Variants in LAMA5 observed in about 807,000 individuals in gnomAD.
The protein encoded by LAMA5 is laminin subunit alpha-5.
Under a neutral mutation model 433.4 loss-of-function variants are expected in LAMA5, and 260 were observed. That is an observed-to-expected ratio of 0.60 (90% CI 0.54 to 0.66). The LOEUF (loss-of-function observed/expected upper bound fraction) is 0.66, where lower values mean the gene tolerates loss of function less well. LAMA5 is among the 30% of genes least tolerant of loss of function. LAMA5 has a pLI of 0.00. For synonymous variants in LAMA5, 2,620 were observed against 2,226.6 expected (o/e 1.18, Z -4.97); for missense variants, 5,378 against 5,258.5 (o/e 1.02, Z -0.70).
intron 53 of LAMA5, 123 bp downstream of exon 53, chr20:62,318,331 A>AGGGGGGAGGAGGG: frequency 4.0e-6 from 1 of 248,074 alleles, no homozygotes; most frequent in African/African-American, 9.9e-5. Flanking sequence ...GGGGAGGACG[A>AGGGGGGAGGAGGG]GGGAGGGGAG....
At chr20:62,325,263 G>T in intron 41 of LAMA5, 53 bp downstream of exon 41, 2 of 1,177,560 alleles carry the variant, frequency 1.7e-6, no homozygotes, top group African/African-American at 1.5e-5. Flanking sequence ...ATGCTGGAGG[G>T]AAGGGTGTGC....
In LAMA5 at chr20:62,316,727, G is replaced by A. The variant is rs148555754; in HGVS notation, c.7700C>T (p.Ala2567Val). 4.7e-5 allele frequency: 76 copies of A among 1,609,280 alleles called. No homozygotes were observed. The highest frequency in any genetic ancestry group is 6.1e-5 in the Non-Finnish European group (72 of 1,178,136). Residue 2567 changes from alanine to valine, a missense_variant, in exon 57 of 80, where the codon GCC (alanine) becomes GTC (valine). Coordinates refer to ENST00000252999, the MANE Select transcript of LAMA5 (RefSeq NM_005560.6). ...GLVDRAQQLL[A>V]NSTALEEAML... ...GGCCTCTTCTAGTGCAGTGCTGTTGGCCAGGAGCTGCTGGGCTCGGTCCAC... is the reference window on the plus strand; with the variant it reads ...GGCCTCTTCTAGTGCAGTGCTGTTGACCAGGAGCTGCTGGGCTCGGTCCAC...
intron 49 of LAMA5, 28 bp downstream of exon 49, chr20:62,320,711 G>A: frequency 6.2e-7 from 1 of 1,612,292 alleles, no homozygotes; most frequent in East Asian, 2.2e-5. Flanking sequence ...GGCCCGGGTT[G>A]GGGAGGGAAG....
chr20:62,314,158 G>A, intron 62 of LAMA5, 146 bp downstream of exon 62: 1 of 1,075,846 alleles, frequency 9.3e-7, no homozygotes. Flanking sequence ...AGAGACGAGG[G>A]GTGGCGAGTG....
At chr20:62,315,239 G>C (rs1441792246) in intron 58 of LAMA5, 32 bp from the exon 59 acceptor site, 1 of 1,558,818 alleles carries the variant, frequency 6.4e-7, no homozygotes, top group Non-Finnish European at 8.7e-7. Flanking sequence ...CTCAGCAGGG[G>C]CCAGCGGGGA....
chr20:62,334,371 A>G, intron 21 of LAMA5, 29 bp from the exon 22 acceptor site: 1 of 1,569,114 alleles, frequency 6.4e-7, no homozygotes, highest in Non-Finnish European at 8.6e-7. Flanking sequence ...GGTCAGGTGC[A>G]GCTTGGCCAT....
chr20:62,347,778 C>T (rs890709931), intron 6 of LAMA5, among the ~76,000 whole-genome samples: 6 of 152,220 alleles, frequency 3.9e-5, no homozygotes, highest in Admixed American at 1.3e-4. Context: ...GCCGTGCGTT[C>T]CCTGAGCAGG....
At chr20:62,349,345 A>G (rs1983847605) in intron 6 of LAMA5, among the ~76,000 whole-genome samples, 1 of 151,614 alleles carries the variant, frequency 6.6e-6, no homozygotes, top group African/African-American at 2.4e-5. Flanking sequence ...ATCACAATAA[A>G]TCTGCAGAAC....
chr20:62,344,011 G>A (rs1024477214), intron 11 of LAMA5, among the ~76,000 whole-genome samples: 2 of 151,786 alleles, frequency 1.3e-5, no homozygotes, highest in African/African-American at 4.8e-5. Context: ...GGGCTTAGTG[G>A]CGGATGCCTG....
In LAMA5 at chr20:62,310,781, C is replaced by A; in HGVS notation, c.10330G>T (p.Ala3444Ser). ...GGCCCCTCCTGGCTCCAGGCCCGGG[C>A]CCCGTCCGTCACCAGCAGGATCCGG... ...KNRILLVTDG[A>S]RAWSQEGPHR... Residue 3444 changes from alanine (A) to serine (S), a missense_variant, in exon 75 of 80, where the codon GCC becomes TCC. Ala to Ser is a moderately conservative substitution (Grantham distance 99, BLOSUM62 1). Transcript: ENST00000252999. 4 of 1,550,628 alleles carry A rather than the reference C, an allele frequency of 2.6e-6. No homozygotes were observed. The highest frequency in any genetic ancestry group is 2.6e-6 in the Non-Finnish European group (3 of 1,148,684).
chr20:62,338,005 C>CCT lies in LAMA5; in HGVS notation c.1891+9_1891+10dup. The CCT allele has an allele frequency of 6.3e-7, 1 of 1,594,556 alleles. No homozygotes were observed. ...TGGCAGAACCCCTTCCTGCCCTGACCCTCTGCTCACCTTGGCAGTTGGGGA... is the reference window on the plus strand; with the variant it reads ...TGGCAGAACCCCTTCCTGCCCTGACCCTCTCTGCTCACCTTGGCAGTTGGGGA... On this transcript the variant is annotated intron_variant, in intron 14 of 79. Transcript: ENST00000252999.
At chr20:62,352,883 C>A (rs1285907538) in intron 3 of LAMA5, 1 of 473,468 alleles carries the variant, frequency 2.1e-6, no homozygotes, top group African/African-American at 2.0e-5. Flanking sequence ...TGAAGCCATC[C>A]AGAGGCAGCC....
rs1429139560 is a variant in LAMA5, at chr20:62,334,517, C to T, written c.2582+5G>A. 4.5e-6 allele frequency: 7 copies of T among 1,546,972 alleles called. No homozygotes were observed. The African/African-American group carries it at 9.6e-5, about 21-fold the overall frequency. On this transcript the variant is annotated splice_donor_5th_base_variant and intron_variant, in intron 21 of 79. Coordinates refer to ENST00000252999, the MANE Select transcript of LAMA5 (RefSeq NM_005560.6). ...CCCACCACCCAGTGGGGAAGGGGTACCCACTCGCTGCAGGTGGGGCCCTGG... is the reference window on the plus strand; with the variant it reads ...CCCACCACCCAGTGGGGAAGGGGTATCCACTCGCTGCAGGTGGGGCCCTGG...
Position 62,318,940 on chromosome 20 carries a change from T to C in LAMA5, c.6945A>G (p.Thr2315=), listed in dbSNP as rs1380556971. Residue 2315 remains threonine (T), a synonymous_variant, in exon 52 of 80, where the codon ACA becomes ACG. Transcript: ENST00000252999. ...AGAGCAGCCGCTCCACCTCGGCCAGTGTCCGGAGCAGCTGCTCACCTGATG... is the reference window on the plus strand; with the variant it reads ...AGAGCAGCCGCTCCACCTCGGCCAGCGTCCGGAGCAGCTGCTCACCTGATG... ...SAPSGEQLLR[T]LAEVERLLWE... is the part of the protein sequence containing the mutation. 1.9e-6 allele frequency: 3 copies of C among 1,598,710 alleles called. No homozygotes were observed. Among genetic ancestry groups the C allele is most frequent in the Non-Finnish European group, 2.6e-6 (3 of 1,174,998 alleles).
chr20:62,335,686 C>A (rs1374847079), intron 18 of LAMA5, among the ~76,000 whole-genome samples: 5 of 139,798 alleles, frequency 3.6e-5, no homozygotes, highest in Non-Finnish European at 7.8e-5. Flanking sequence ...CGAGGAACCC[C>A]CACACACTAA....
chr20:62,322,282 C>A lies in LAMA5; in HGVS notation c.6333G>T (p.Glu2111Asp). The A allele has an allele frequency of 6.3e-7, 1 of 1,598,066 alleles. No homozygotes were observed. Residue 2111 changes from glutamate (E) to aspartate (D), a missense_variant, in exon 47 of 80, where the codon GAG (glutamate) becomes GAT (aspartate). By Grantham distance (45) the Glu-to-Asp change is conservative. Transcript: ENST00000252999. ...GCCAGCACTCACGCCTGCAGCCCTGCTCAGGGAGCCCCCAGTAGCCAGGGG... is the reference window on the plus strand; with the variant it reads ...GCCAGCACTCACGCCTGCAGCCCTGATCAGGGAGCCCCCAGTAGCCAGGGG... ...ECAPGYWGLP[E>D]QGCRRCQCPG...
At chr20:62,320,976 G>T in intron 48 of LAMA5, 86 bp from the exon 49 acceptor site, 1 of 1,447,906 alleles carries the variant, frequency 6.9e-7, no homozygotes, top group Non-Finnish European at 9.4e-7. Flanking sequence ...TCATTAGGGT[G>T]GGGAGGGCTC....
At chr20:62,316,187 G>T in intron 57 of LAMA5, 129 bp from the exon 58 acceptor site, 1 of 670,218 alleles carries the variant, frequency 1.5e-6, no homozygotes, top group Non-Finnish European at 2.6e-6. Flanking sequence ...GGGACACTCA[G>T]ACATGGAGTC....
At chr20:62,329,753 A>G in intron 32 of LAMA5, 24 bp downstream of exon 32, 1 of 1,611,446 alleles carries the variant, frequency 6.2e-7, no homozygotes, top group Non-Finnish European at 8.5e-7. Flanking sequence ...CTGGTCCCTG[A>G]GCAGGACATC....
Sources: gnomAD v4.1 joint callset for allele counts (sites outside exome capture counted in the v4.1 genomes callset) on GRCh38, gnomAD v4.1.1 for gene constraint, MANE v1.5 for transcripts, NCBI Gene and HGNC (gene_info 2026-07-23, HGNC 2026-07-21) for gene names.